The following QDPR variants were observed in gnomAD, a reference collection of about 807,000 sequenced individuals.
QDPR encodes the protein dihydropteridine reductase.
QDPR carries 23 observed loss-of-function variants against 31.7 expected under a neutral mutation model. The observed-to-expected ratio is 0.73, with a 90% confidence interval of 0.52 to 1.03. QDPR has a LOEUF of 1.03. Ranked by LOEUF, QDPR falls within the 50% of genes least tolerant of loss-of-function variation. The pLI, the probability that QDPR is intolerant of heterozygous loss-of-function variation, is 0.00. For missense variants in QDPR, 324 were observed against 323.8 expected (o/e 1.00, Z 0.00); for synonymous variants, 124 against 124.7 (o/e 0.99, Z 0.03).
chr4:17,490,728 G>C lies in QDPR; in HGVS notation c.563C>G (p.Pro188Arg). ...CTCAGGCATTGATTTCCTGTTCATCGGGGTATCCAGGGTAACCCTGCAATG... is the reference window on the plus strand; with the variant it reads ...CTCAGGCATTGATTTCCTGTTCATCCGGGTATCCAGGGTAACCCTGCAATG... ...IAVLPVTLDT[P>R]MNRKSMPEAD... is the part of the protein sequence containing the mutation. Residue 188 changes from proline to arginine, a missense_variant, in exon 6 of 7, where the codon CCG becomes CGG. Pro to Arg is a moderately radical substitution (Grantham distance 103). Transcript: ENST00000281243. 1 of 1,613,742 alleles carries C rather than the reference G, an allele frequency of 6.2e-7. No homozygotes were observed. The highest frequency in any genetic ancestry group is 8.5e-7 in the Non-Finnish European group (1 of 1,179,782).
At chr4:17,508,923 C>T (rs1220782484) in intron 2 of QDPR, among the ~76,000 whole-genome samples, 1 of 152,140 alleles carries the variant, frequency 6.6e-6, no homozygotes, top group African/African-American at 2.4e-5. Context: ...CTTTGGGAGG[C>T]TAAGGCGGGC....
intron 6 of QDPR, chr4:17,490,450 G>A (rs744729): frequency 9.0e-6 from 5 of 552,738 alleles, no homozygotes; most frequent in Admixed American, 2.5e-5. Context: ...GATTCATGTC[G>A]GCACTACCCA....
At chr4:17,490,063 A>G (rs1577184306) in intron 6 of QDPR, 1 of 165,752 alleles carries the variant, frequency 6.0e-6, no homozygotes, top group East Asian at 1.6e-4. Flanking sequence ...AAACAAACAC[A>G]AAAGAGGAAT....
rs762730415 is a variant in QDPR at position 17,504,487 on chromosome 4, G to C, written c.199-12C>G. 2 of 1,605,464 alleles carry C rather than the reference G, an allele frequency of 1.2e-6. No homozygotes were observed. Among genetic ancestry groups the C allele is most frequent in the Admixed American group, 3.3e-5 (2 of 59,974 alleles). The stretch of plus-strand genomic sequence containing the variant: ...ACCTCAGCAGTCACCTTCAACACAA[G>C]AACAAAAAAATGTATAAACTGTAAG... On this transcript the variant is annotated splice_polypyrimidine_tract_variant and intron_variant, in intron 2 of 6. Transcript: ENST00000281243.
Position 17,501,795 on chromosome 4 carries a change from A to G in QDPR, c.360T>C (p.His120=), listed in dbSNP as rs754171256. 1 of 1,614,188 alleles carries G rather than the reference A, an allele frequency of 6.2e-7. No homozygotes were observed. The highest frequency in any genetic ancestry group is 8.5e-7 in the Non-Finnish European group (1 of 1,180,024). ...QSIWTSTISS[H]LATKHLKEGG... ...CTTCCTTGAGATGCTTGGTAGCCAG[A>G]TGGCTGGAGATGGTCGATGTCCATA... The change falls in exon 4 of 7, where the codon CAT becomes CAC. Residue 120 remains histidine (H), a synonymous_variant. Coordinates refer to ENST00000281243, the MANE Select transcript of QDPR (RefSeq NM_000320.3).
At chr4:17,507,311 C>T (rs571985530) in intron 2 of QDPR, among the ~76,000 whole-genome samples, 1 of 152,334 alleles carries the variant, frequency 6.6e-6, no homozygotes, top group Non-Finnish European at 1.5e-5. Flanking sequence ...CTGCCTGCCA[C>T]ACTGAGTGGT....
Position 17,512,031 on chromosome 4 carries a change from G to A in QDPR, c.24C>T (p.Gly8=), listed in dbSNP as rs1273199329. 11 of 1,603,400 alleles carry A rather than the reference G, an allele frequency of 6.9e-6. No individual in the cohort carries two copies. Among genetic ancestry groups the A allele is most frequent in the Non-Finnish European group, 8.5e-6 (10 of 1,176,292 alleles). ...CGTACACCAGCACCCGGCGCGCCTC[G>A]CCTGCAGCCGCCGCCGCCGCCATCC... The part of the protein sequence containing the change: MAAAAAA[G]EARRVLVYGG... The change falls in exon 1 of 7, where the codon GGC becomes GGT. Residue 8 remains glycine (G), a synonymous_variant. Transcript: ENST00000281243.
At chr4:17,499,925 C>T (rs1718499944) in intron 4 of QDPR, among the ~76,000 whole-genome samples, 1 of 151,992 alleles carries the variant, frequency 6.6e-6, no homozygotes, top group Non-Finnish European at 1.5e-5. Flanking sequence ...AAATAAACAA[C>T]TGAGAAGGGT....
chr4:17,496,602 T>C (rs564142448), intron 4 of QDPR, among the ~76,000 whole-genome samples: 5 of 152,074 alleles, frequency 3.3e-5, no homozygotes, highest in African/African-American at 9.6e-5. Flanking sequence ...GAATAAGGCA[T>C]GGAAAAGCCT....
intron 6 of QDPR, among the ~76,000 whole-genome samples, chr4:17,489,054 T>C (rs1434232181): frequency 6.6e-6 from 1 of 152,248 alleles, no homozygotes. Context: ...GCAGGTTTGC[T>C]ACACAGGTAT....
At chr4:17,496,956 C>T (rs1452684515) in intron 4 of QDPR, among the ~76,000 whole-genome samples, 2 of 152,144 alleles carry the variant, frequency 1.3e-5, no homozygotes, top group Admixed American at 1.3e-4. Context: ...GGGGTTTGAC[C>T]ATGTTGGCCA....
intron 2 of QDPR, among the ~76,000 whole-genome samples, chr4:17,507,308 C>T (rs1029748044): frequency 3.9e-5 from 6 of 152,186 alleles, no homozygotes; most frequent in Non-Finnish European, 7.3e-5. Context: ...TGCCTGCCTG[C>T]CACACTGAGT....
At chr4:17,500,269 T>C (rs991265483) in intron 4 of QDPR, among the ~76,000 whole-genome samples, 6 of 142,568 alleles carry the variant, frequency 4.2e-5, no homozygotes, top group Non-Finnish European at 9.7e-5. Flanking sequence ...TCCCATTTTT[T>C]TAAAAGAAGA....
chr4:17,501,954 TCC>T, intron 3 of QDPR, 95 bp from the exon 4 acceptor site: 2 of 1,518,824 alleles, frequency 1.3e-6, no homozygotes, highest in Non-Finnish European at 1.8e-6. Context: ...AGGCCCTCCC[TCC>T]TGGTCCCCAG....
Position 17,512,063 on chromosome 4 carries a change from T to TG in QDPR, c.-10dup. ...GCCGCCGCCGCCGCCATCCTGCTCC[T>TG]GCCAGCCCGGCTCCCGCAGCTCCGA... On this transcript the variant is annotated 5_prime_UTR_variant, in exon 1 of 7. Coordinates refer to ENST00000281243, the MANE Select transcript of QDPR (RefSeq NM_000320.3). 6.3e-7 allele frequency: 1 copy of TG among 1,586,390 alleles called. No homozygotes were observed. The highest frequency in any genetic ancestry group is 8.6e-7 in the Non-Finnish European group (1 of 1,168,804).
Position 17,490,705 on chromosome 4 carries a change from C to T in QDPR, c.586G>A (p.Glu196Lys). ...GGTGTCCAGGAGCTGAAGTCAGCCT[C>T]AGGCATTGATTTCCTGTTCATCGGG... ...DTPMNRKSMP[E>K]ADFSSWTPLE... Residue 196 changes from glutamate to lysine, a missense_variant, in exon 6 of 7, where the codon GAG (glutamate) becomes AAG (lysine). Physicochemically the swap from Glu to Lys is moderately conservative, Grantham distance 56. Coordinates refer to ENST00000281243, the MANE Select transcript of QDPR (RefSeq NM_000320.3). 1 of 1,614,086 alleles carries T rather than the reference C, an allele frequency of 6.2e-7. No homozygotes were observed. The highest frequency in any genetic ancestry group is 1.3e-5 in the African/African-American group (1 of 75,048).
chr4:17,487,929 G>C (rs2108985104), intron 6 of QDPR, among the ~76,000 whole-genome samples: 2 of 152,258 alleles, frequency 1.3e-5, no homozygotes, highest in South Asian at 4.1e-4. Context: ...TTTCATTTTG[G>C]TATTTTTCTA....
chr4:17,507,010 T>C (rs1438717613), intron 2 of QDPR, among the ~76,000 whole-genome samples: 1 of 152,230 alleles, frequency 6.6e-6, no homozygotes, highest in African/African-American at 2.4e-5. Flanking sequence ...GAACTATAAA[T>C]GATTTCCCTT....
chr4:17,499,257 C>T (rs1240834379), intron 4 of QDPR, among the ~76,000 whole-genome samples: 2 of 152,200 alleles, frequency 1.3e-5, no homozygotes, highest in South Asian at 2.1e-4. Context: ...TAAGAGAAGT[C>T]CAACGTGCAC....
Sources: gnomAD v4.1 joint callset for allele counts (sites outside exome capture counted in the v4.1 genomes callset) on GRCh38, gnomAD v4.1.1 for gene constraint, MANE v1.5 for transcripts, NCBI Gene and HGNC (gene_info 2026-07-23, HGNC 2026-07-21) for gene names.